Variants in PRPF8 observed in about 807,000 individuals in gnomAD.
PRPF8 encodes the protein pre-mRNA-processing-splicing factor 8.
Under a neutral mutation model 285.9 loss-of-function variants are expected in PRPF8, and 64 were observed. The ratio of observed to expected loss-of-function variants is 0.22; its 90% confidence interval spans 0.18 to 0.28. PRPF8 has a LOEUF of 0.28. Among genes scored for constraint, PRPF8 ranks in the 10% least tolerant of loss-of-function variants. The probability of loss-of-function intolerance (pLI) is 1.00; values close to 1 mark genes in which losing one functional copy is unlikely to be tolerated. For synonymous variants in PRPF8, 1,325 were observed against 1,118.2 expected, an observed-to-expected ratio of 1.18 and a Z score of -3.69; for missense variants, 1,426 against 3,026.7, an observed-to-expected ratio of 0.47 and a Z score of 12.41.
intron 24 of PRPF8, among the ~76,000 whole-genome samples, chr17:1,665,580 A>C (rs1161276083): frequency 6.6e-6 from 1 of 151,444 alleles, no homozygotes; most frequent in Non-Finnish European, 1.5e-5. Flanking sequence ...ACGGTGGCTC[A>C]CGCCTGTAAT....
rs1912469820 is a variant in PRPF8, at chr17:1,673,981, A to G, written c.3300-89T>C. On this transcript the variant is annotated intron_variant, in intron 21 of 42. Coordinates refer to ENST00000304992, the MANE Select transcript of PRPF8 (RefSeq NM_006445.4). The surrounding 1 kb of genome is among the most constrained non-coding windows in gnomAD (Gnocchi z 5.5). The stretch of plus-strand genomic sequence containing the variant: ...CTCCAGCTCAATAGACGGAGACCCC[A>G]CCCCATCCTACCCCCACCCTCCCCG... The G allele has an allele frequency of 1.4e-6, 2 of 1,381,958 alleles. No homozygotes were observed. The highest frequency in any genetic ancestry group is 1.7e-5 in the Admixed American group (1 of 57,570). 85.6% of individuals were successfully genotyped at this position (1,381,958 alleles called of 1,614,324 possible). A position where few individuals can be genotyped will look rare whatever the true frequency, so the allele number is the denominator to read the frequency against.
chr17:1,672,702 G>A (rs1912392686), intron 24 of PRPF8, among the ~76,000 whole-genome samples: 3 of 152,248 alleles, frequency 2.0e-5, no homozygotes, highest in African/African-American at 2.4e-5. Context: ...AAGGAGAAAC[G>A]AACCCCGAGA....
chr17:1,684,101 G>A (rs559646661), intron 2 of PRPF8, among the ~76,000 whole-genome samples: 1 of 152,208 alleles, frequency 6.6e-6, no homozygotes, highest in African/African-American at 2.4e-5. Flanking sequence ...TGGCCAGGCT[G>A]GTCTCGAACT....
intron 21 of PRPF8, among the ~76,000 whole-genome samples, 183 bp from the exon 22 acceptor site, chr17:1,674,075 C>G (rs959084632): frequency 6.6e-6 from 1 of 151,966 alleles, no homozygotes; most frequent in East Asian, 1.9e-4. Context: ...CAGGCTGGAG[C>G]GCAGCGGCGC....
At position 1,661,803 on chromosome 17, in the gene PRPF8, A is replaced by G; in HGVS notation, c.4023-13T>C. 6.2e-7 allele frequency: 1 copy of G among 1,614,198 alleles called. No individual in the cohort carries two copies. The highest frequency in any genetic ancestry group is 8.5e-7 in the Non-Finnish European group (1 of 1,180,052). ...CTGTTTGGACCACCTGTTTGGGTGT[A>G]CAACCAAGATTACAGAAAAAATAAA... is the stretch of plus-strand genomic sequence containing the variant. On this transcript the variant is annotated splice_polypyrimidine_tract_variant and intron_variant, in intron 25 of 42. Transcript: ENST00000304992. This position sits in a 1 kb window ranked among gnomAD's most constrained non-coding sequence, Gnocchi z 7.3.
Position 1,661,531 on chromosome 17 carries a change from G to T in PRPF8, c.4202+80C>A. ...TCTCACCTCCATACAACCATGGCATGCTCTGACCCTGAACTCCACACGGTT... is the reference window on the plus strand; with the variant it reads ...TCTCACCTCCATACAACCATGGCATTCTCTGACCCTGAACTCCACACGGTT... On this transcript the variant is annotated intron_variant, in intron 26 of 42. Transcript: ENST00000304992. This position sits in a 1 kb window ranked among gnomAD's most constrained non-coding sequence, Gnocchi z 7.3. The T allele has an allele frequency of 3.1e-6, 5 of 1,608,656 alleles. No individual in the cohort carries two copies. The highest frequency in any genetic ancestry group is 4.2e-6 in the Non-Finnish European group (5 of 1,177,874).
chr17:1,661,811 G>A lies in PRPF8; in HGVS notation c.4023-21C>T, dbSNP rs778578863. On this transcript the variant is annotated intron_variant, in intron 25 of 42. Coordinates refer to ENST00000304992, the MANE Select transcript of PRPF8 (RefSeq NM_006445.4). This position sits in a 1 kb window ranked among gnomAD's most constrained non-coding sequence, Gnocchi z 7.3. ...ACCACCTGTTTGGGTGTACAACCAA[G>A]ATTACAGAAAAAATAAAGCCTAAAA... 6.2e-7 allele frequency: 1 copy of A among 1,614,144 alleles called. No homozygotes were observed.
Position 1,674,487 on chromosome 17 carries a change from A to T in PRPF8, c.3254T>A (p.Ile1085Asn), listed in dbSNP as rs1246278089. ...QDIATEAAHP[I>N]RLFCRYIDRI... ...ATCAATGTATCTGCAGAAGAGACGG[A>T]TGGGGTGGGCAGCCTCAGTGGCTAT... is the stretch of plus-strand genomic sequence containing the variant. The change falls in exon 21 of 43, where the codon ATC (isoleucine) becomes AAC (asparagine). Residue 1085 changes from isoleucine to asparagine, a missense_variant. Around this residue, in one of 34 missense-constraint regions of PRPF8, gnomAD observed 148 missense variants for 196.2 expected, o/e 0.75. Coordinates refer to ENST00000304992, the MANE Select transcript of PRPF8 (RefSeq NM_006445.4). 1 of 1,614,166 alleles carries T rather than the reference A, an allele frequency of 6.2e-7. No homozygotes were observed. The highest frequency in any genetic ancestry group is 1.7e-5 in the Admixed American group (1 of 60,020).
At chr17:1,684,036 G>A (rs974323770) in intron 2 of PRPF8, among the ~76,000 whole-genome samples, 11 of 151,828 alleles carry the variant, frequency 7.2e-5, no homozygotes, top group African/African-American at 1.7e-4. Context: ...ATAGACACGC[G>A]CCACCACACA....
At chr17:1,670,850 T>C (rs545639814) in intron 24 of PRPF8, among the ~76,000 whole-genome samples, 54 of 152,146 alleles carry the variant, frequency 3.5e-4, no homozygotes, top group African/African-American at 1.2e-3. Flanking sequence ...CATCCTATCC[T>C]TTCAGGTCCA....
At chr17:1,664,253 G>A (rs567410074) in intron 24 of PRPF8, among the ~76,000 whole-genome samples, 44 of 152,084 alleles carry the variant, frequency 2.9e-4, no homozygotes, top group African/African-American at 1.0e-3. Context: ...GGCTGGTCTC[G>A]AACTCCTGTG....
intron 24 of PRPF8, among the ~76,000 whole-genome samples, chr17:1,664,482 C>G (rs574641804): frequency 6.6e-6 from 1 of 152,172 alleles, no homozygotes; most frequent in East Asian, 1.9e-4. Flanking sequence ...ATAGGACAGG[C>G]ACCAAGAGAG....
At chr17:1,680,440 T>C (rs1912848339) in intron 8 of PRPF8, 1 of 521,918 alleles carries the variant, frequency 1.9e-6, no homozygotes, top group South Asian at 2.1e-5. Flanking sequence ...TACATCTCAA[T>C]ATAAAGGCTA....
At chr17:1,674,263 C>G (rs1912491867) in intron 21 of PRPF8, among the ~76,000 whole-genome samples, 179 bp downstream of exon 21, 1 of 152,146 alleles carries the variant, frequency 6.6e-6, no homozygotes. Flanking sequence ...ACCTCGTGAT[C>G]CGCCTGCCTC....
At chr17:1,667,077 G>A (rs1300388232) in intron 24 of PRPF8, among the ~76,000 whole-genome samples, 1 of 152,156 alleles carries the variant, frequency 6.6e-6, no homozygotes, top group Non-Finnish European at 1.5e-5. Flanking sequence ...GGAGGCTGAG[G>A]CAGGAGAATT....
intron 13 of PRPF8, 126 bp from the exon 14 acceptor site, chr17:1,677,820 G>C (rs878965247): frequency 7.9e-7 from 1 of 1,263,452 alleles, no homozygotes; most frequent in East Asian, 2.4e-5. Context: ...TGGCAGTAGA[G>C]GGGTAAAAAG....
rs142064553 is a variant in PRPF8, at chr17:1,658,984, T to C, written c.5139-221A>G. Among the ~76,000 whole-genome samples, 496 of 152,264 alleles carry C rather than the reference T, an allele frequency of 3.3e-3. 6 individuals carry two copies. The highest frequency in any genetic ancestry group is 0.011 in the African/African-American group (471 of 41,558). On this transcript the variant is annotated intron_variant, in intron 32 of 42. Coordinates refer to ENST00000304992, the MANE Select transcript of PRPF8 (RefSeq NM_006445.4). This position sits in a 1 kb window ranked among gnomAD's most constrained non-coding sequence, Gnocchi z 4.1. ...AAAAAAGTATGACTACGTTAAAGTA[T>C]GGAGCTAATGGAAAATACACGGATT...
In PRPF8 at chr17:1,678,843, C is replaced by T; in HGVS notation, c.1638G>A (p.Leu546=). 1 of 1,614,202 alleles carries T rather than the reference C, an allele frequency of 6.2e-7. No individual in the cohort carries two copies. The change falls in exon 12 of 43, where the codon CTG becomes CTA. Residue 546 remains leucine (L), a synonymous_variant. Transcript: ENST00000304992. The stretch of plus-strand genomic sequence containing the variant: ...TAGTCAAACGCAGAACTTCCCGACA[C>T]AGGTGGAAAGCATTCCCAAAACGAG... ...KKSRFGNAFH[L]CREVLRLTKL...
intron 24 of PRPF8, among the ~76,000 whole-genome samples, chr17:1,668,354 C>CTTTTTT (rs970795981): frequency 1.8e-4 from 19 of 105,588 alleles, no homozygotes; most frequent in Non-Finnish European, 2.7e-4. Context: ...GTCTAGCATT[C>CTTTTTT]TTTTTTTTTT....
Sources: gnomAD v4.1 joint callset for allele counts (sites outside exome capture counted in the v4.1 genomes callset) on GRCh38, gnomAD v4.1.1 for gene constraint, gnomAD v4.1.1 regional missense constraint, Gnocchi (gnomAD v3.1) non-coding constraint, MANE v1.5 for transcripts, NCBI Gene and HGNC (gene_info 2026-07-23, HGNC 2026-07-21) for gene names.